FOLH1: variants seen among roughly 807,000 people sequenced by gnomAD.
FOLH1 encodes folate hydrolase 1.
A neutral mutation model predicts 93.9 loss-of-function variants in FOLH1; 54 were observed. The observed-to-expected ratio is 0.57, with a 90% confidence interval of 0.46 to 0.72. The LOEUF (loss-of-function observed/expected upper bound fraction) is 0.72, where lower values mean the gene tolerates loss of function less well. Among genes scored for constraint, FOLH1 ranks in the 30% least tolerant of loss-of-function variants. The probability of loss-of-function intolerance (pLI) is 0.00; values close to 1 mark genes in which losing one functional copy is unlikely to be tolerated. For missense variants in FOLH1, 571 were observed against 892.5 expected, an observed-to-expected ratio of 0.64 and a Z score of 4.59; for synonymous variants, 249 against 303.6, an observed-to-expected ratio of 0.82 and a Z score of 1.87.
intron 17 of FOLH1, 120 bp downstream of exon 17, chr11:49,153,726 A>T (rs756050789): frequency 1.0e-4 from 67 of 669,594 alleles, no homozygotes; most frequent in Admixed American, 6.1e-4. Context: ...AAACAAATTT[A>T]AAAAAAAGAA....
intron 2 of FOLH1, among the ~76,000 whole-genome samples, chr11:49,205,829 C>T (rs1283918151): frequency 6.6e-6 from 1 of 152,216 alleles, no homozygotes; most frequent in Non-Finnish European, 1.5e-5. Flanking sequence ...CACAGATCAG[C>T]TGGCCTACAA....
intron 17 of FOLH1, among the ~76,000 whole-genome samples, chr11:49,152,269 G>A (rs1355292222): frequency 6.6e-6 from 1 of 151,986 alleles, no homozygotes; most frequent in East Asian, 1.9e-4. Context: ...TTCCAAAATT[G>A]AGACTTTTTC....
At chr11:49,147,025 G>T in intron 18 of FOLH1, 80 bp from the exon 19 acceptor site, 4 of 1,439,560 alleles carry the variant, frequency 2.8e-6, no homozygotes, top group Non-Finnish European at 3.8e-6. Flanking sequence ...GCAATTCCTG[G>T]ATTGCATATT....
intron 4 of FOLH1, among the ~76,000 whole-genome samples, chr11:49,190,811 T>C (rs1030245175): frequency 2.0e-5 from 3 of 152,168 alleles, no homozygotes; most frequent in African/African-American, 7.2e-5. Context: ...AGATTACTGA[T>C]CGTGAATTTT....
Position 49,166,953 on chromosome 11 carries a change from G to C in FOLH1, c.1373-2181C>G, listed in dbSNP as rs1212811017. On this transcript the variant is annotated intron_variant, in intron 12 of 18. Transcript: ENST00000256999. ...TTTCCCAGCTACTTGGGAGGCTGAC[G>C]GGGGAGGATCAGTTGAGCTCAGGAG... Among the ~76,000 whole-genome samples, 17 of 152,136 alleles carry C rather than the reference G, an allele frequency of 1.1e-4. No homozygotes were observed. In the East Asian group the frequency reaches 3.1e-3, roughly 28 times the overall value.
intron 12 of FOLH1, among the ~76,000 whole-genome samples, chr11:49,168,524 C>T (rs946509239): frequency 2.6e-5 from 4 of 152,138 alleles, no homozygotes; most frequent in African/African-American, 4.8e-5. Flanking sequence ...TTATTCTTTC[C>T]TCTGAACTCC....
At chr11:49,200,980 C>T (rs1435196524) in intron 2 of FOLH1, among the ~76,000 whole-genome samples, 1 of 152,010 alleles carries the variant, frequency 6.6e-6, no homozygotes, top group Non-Finnish European at 1.5e-5. Context: ...TCTTGCACTC[C>T]ATCTATCATA....
chr11:49,150,937 G>A (rs1474011483), intron 17 of FOLH1, among the ~76,000 whole-genome samples: 4 of 152,110 alleles, frequency 2.6e-5, no homozygotes, highest in African/African-American at 7.2e-5. Flanking sequence ...CATTTCCTAT[G>A]TGCCAATTAC....
intron 13 of FOLH1, 70 bp downstream of exon 13, chr11:49,164,635 T>C: frequency 9.2e-7 from 1 of 1,088,530 alleles, no homozygotes; most frequent in Non-Finnish European, 1.4e-6. Flanking sequence ...CCACCTATGT[T>C]TAACATAATA....
At chr11:49,196,834 G>A (rs1208333084) in intron 3 of FOLH1, among the ~76,000 whole-genome samples, 3 of 152,176 alleles carry the variant, frequency 2.0e-5, no homozygotes, top group Non-Finnish European at 4.4e-5. Context: ...GAAAGTTAAG[G>A]ATATCTGCTA....
At chr11:49,197,489 T>C (rs1172134115) in intron 3 of FOLH1, among the ~76,000 whole-genome samples, 1 of 152,168 alleles carries the variant, frequency 6.6e-6, no homozygotes, top group East Asian at 1.9e-4. Context: ...AAAGTCAATA[T>C]ATAGTTAAAT....
intron 6 of FOLH1, among the ~76,000 whole-genome samples, chr11:49,183,668 G>A (rs1208405088): frequency 6.6e-6 from 1 of 151,886 alleles, no homozygotes; most frequent in African/African-American, 2.4e-5. Context: ...ATCCCACAAT[G>A]GAATGCTACT....
intron 5 of FOLH1, 141 bp from the exon 6 acceptor site, chr11:49,185,996 C>T: frequency 9.0e-7 from 1 of 1,112,144 alleles, no homozygotes; most frequent in African/African-American, 1.6e-5. Flanking sequence ...CAAAGGACAT[C>T]TCGGATAGAA....
At chr11:49,173,549 C>T in intron 9 of FOLH1, 73 bp from the exon 10 acceptor site, 2 of 1,091,898 alleles carry the variant, frequency 1.8e-6, no homozygotes, top group Non-Finnish European at 1.2e-6. Context: ...GACTCAATAG[C>T]ATCTAAATAC....
chr11:49,155,541 TA>T, intron 15 of FOLH1: 1 of 238,232 alleles, frequency 4.2e-6, no homozygotes, highest in Non-Finnish European at 8.5e-6. Flanking sequence ...ACCATTTTTA[TA>T]ACTGTGAGAA....
intron 1 of FOLH1, chr11:49,208,080 C>T: frequency 1.6e-6 from 1 of 626,480 alleles, no homozygotes; most frequent in Middle Eastern, 4.3e-4. Context: ...AGTGACTGTC[C>T]TACCAGCAGC....
intron 13 of FOLH1, among the ~76,000 whole-genome samples, chr11:49,162,552 A>T (rs1167779985): frequency 1.3e-5 from 2 of 152,170 alleles, no homozygotes; most frequent in East Asian, 3.9e-4. Context: ...TTACCTCAGT[A>T]AACTTTGTCC....
chr11:49,167,886 G>A (rs1858615620), intron 12 of FOLH1, among the ~76,000 whole-genome samples: 1 of 144,358 alleles, frequency 6.9e-6, no homozygotes, highest in Admixed American at 7.2e-5. Flanking sequence ...ACAAAAAACA[G>A]AAAAAGAACA....
chr11:49,191,568 T>G (rs1862051158), intron 4 of FOLH1, among the ~76,000 whole-genome samples: 1 of 152,232 alleles, frequency 6.6e-6, no homozygotes, highest in Admixed American at 6.5e-5. Flanking sequence ...AATGTCAAAG[T>G]CCAAAAATTA....
Sources: gnomAD v4.1 joint callset for allele counts (sites outside exome capture counted in the v4.1 genomes callset) on GRCh38, gnomAD v4.1.1 for gene constraint, MANE v1.5 for transcripts, NCBI Gene and HGNC (gene_info 2026-07-23, HGNC 2026-07-21) for gene names.